PLPP1: variants seen among roughly 807,000 people sequenced by gnomAD.
PLPP1 encodes phospholipid phosphatase 1, also known as lipid phosphate phosphohydrolase 1a.
Under a neutral mutation model 31.2 loss-of-function variants are expected in PLPP1, and 24 were observed. The observed-to-expected ratio is 0.77, with a 90% CI of 0.56 to 1.08. The LOEUF (loss-of-function observed/expected upper bound fraction) is 1.08. Ranked by LOEUF, PLPP1 falls within the 50% of genes least tolerant of loss-of-function variation. The probability of loss-of-function intolerance (pLI) is 0.00; values close to 1 mark genes in which losing one functional copy is unlikely to be tolerated. For missense variants in PLPP1, 319 were observed against 342.7 expected (o/e 0.93, Z 0.55); for synonymous variants, 146 against 126.3 (o/e 1.16, Z -1.05).
intron 1 of PLPP1, among the ~76,000 whole-genome samples, chr5:55,506,959 C>T (rs1753293076): frequency 6.6e-6 from 1 of 152,074 alleles, no homozygotes; most frequent in Non-Finnish European, 1.5e-5. Context: ...GGACAAAATA[C>T]ATTTTGGGGA....
chr5:55,444,970 G>A (rs892602113), intron 3 of PLPP1, among the ~76,000 whole-genome samples: 1 of 152,104 alleles, frequency 6.6e-6, no homozygotes, highest in Admixed American at 6.5e-5. Context: ...GGCTGGTCTT[G>A]AACTCCTGAC....
intron 1 of PLPP1, among the ~76,000 whole-genome samples, chr5:55,487,960 T>G (rs1752809186): frequency 6.6e-6 from 1 of 152,092 alleles, no homozygotes; most frequent in African/African-American, 2.4e-5. Flanking sequence ...AAACCCTGTC[T>G]CTATTAAAAA....
chr5:55,438,417 T>C (rs1399204003), intron 4 of PLPP1, among the ~76,000 whole-genome samples: 1 of 152,152 alleles, frequency 6.6e-6, no homozygotes, highest in African/African-American at 2.4e-5. Flanking sequence ...TAAGAGCCAT[T>C]TTTAACTAGA....
chr5:55,508,465 A>C (rs1413609047), intron 1 of PLPP1, among the ~76,000 whole-genome samples: 1 of 152,232 alleles, frequency 6.6e-6, no homozygotes, highest in Admixed American at 6.5e-5. Context: ...CAAGTACTTA[A>C]GTCATTGCCT....
At chr5:55,532,999 T>A (rs1170730236) in intron 1 of PLPP1, among the ~76,000 whole-genome samples, 3 of 151,304 alleles carry the variant, frequency 2.0e-5, no homozygotes, top group Non-Finnish European at 4.4e-5. Flanking sequence ...GTGTTCCACT[T>A]TCCTAAACTT....
In PLPP1 at chr5:55,475,451, C is replaced by G. The variant is rs147642932; in HGVS notation, c.59-1G>C. On this transcript the variant is annotated splice_acceptor_variant, in intron 1 of 5. Transcript: ENST00000307259. LOFTEE classifies it high-confidence loss of function. ...GTAAGAATTGCAAAAGGCAATCCAG[C>G]TAGCAAAAGGGAATAAATGAAAATA... is the stretch of plus-strand genomic sequence containing the variant. The G allele has an allele frequency of 6.3e-7, 1 of 1,586,660 alleles. No homozygotes were observed. Among genetic ancestry groups the G allele is most frequent in the Non-Finnish European group, 8.5e-7 (1 of 1,170,040 alleles).
chr5:55,455,681 G>A (rs1242375913), intron 3 of PLPP1, among the ~76,000 whole-genome samples: 2 of 152,070 alleles, frequency 1.3e-5, no homozygotes, highest in Non-Finnish European at 2.9e-5. Context: ...TCATCCTAAC[G>A]GTAAATATAA....
chr5:55,526,717 G>C (rs1278631891), intron 1 of PLPP1, among the ~76,000 whole-genome samples: 2 of 152,074 alleles, frequency 1.3e-5, no homozygotes, highest in African/African-American at 4.8e-5. Context: ...CGGATCACGA[G>C]GTCAGGAGAT....
intron 3 of PLPP1, among the ~76,000 whole-genome samples, chr5:55,459,485 T>C (rs1374350944): frequency 3.3e-5 from 5 of 152,194 alleles, no homozygotes; most frequent in African/African-American, 1.2e-4. Context: ...AGAAAACACA[T>C]GCTCTTCAAG....
At chr5:55,460,679 A>G (rs1752134370) in intron 3 of PLPP1, among the ~76,000 whole-genome samples, 1 of 152,204 alleles carries the variant, frequency 6.6e-6, no homozygotes, top group South Asian at 2.1e-4. Flanking sequence ...AATCATATTT[A>G]AAACCTTCCC....
At chr5:55,513,746 T>A (rs541679921) in intron 1 of PLPP1, among the ~76,000 whole-genome samples, 117 of 152,232 alleles carry the variant, frequency 7.7e-4, no homozygotes, top group African/African-American at 2.7e-3. Context: ...GACAACACAG[T>A]GAGACCAGGA....
chr5:55,517,485 C>T (rs577099761), intron 1 of PLPP1, among the ~76,000 whole-genome samples: 1 of 152,176 alleles, frequency 6.6e-6, no homozygotes, highest in Admixed American at 6.5e-5. Flanking sequence ...GTGTGAGCTA[C>T]AACACCAGGC....
In PLPP1 at chr5:55,534,745, C is replaced by T. The variant is rs1740825449; in HGVS notation, c.-116G>A. 8.0e-6 allele frequency: 9 copies of T among 1,130,552 alleles called. No homozygotes were observed. Among genetic ancestry groups the T allele is most frequent in the South Asian group, 1.6e-5 (1 of 62,662 alleles). The allele number at this position is 1,130,552 out of a possible 1,614,324, so 70.0% of individuals were successfully genotyped here. Reference sequence around the variant, plus strand: ...GCGACGGCCCCGAGCTACGGCCCCTCCCAGCCGGAGGAGGAGAGCAGCCGA... The same window carrying T: ...GCGACGGCCCCGAGCTACGGCCCCTTCCAGCCGGAGGAGGAGAGCAGCCGA... On this transcript the variant is annotated 5_prime_UTR_variant, in exon 1 of 6. Transcript: ENST00000307259.
intron 1 of PLPP1, among the ~76,000 whole-genome samples, chr5:55,498,810 A>G (rs1258605633): frequency 5.3e-5 from 8 of 152,220 alleles, no homozygotes; most frequent in Non-Finnish European, 1.2e-4. Context: ...TTGGGAACAC[A>G]AACTGCTAAC....
chr5:55,496,987 A>T (rs1176990859), intron 1 of PLPP1, among the ~76,000 whole-genome samples: 2 of 152,222 alleles, frequency 1.3e-5, no homozygotes, highest in Non-Finnish European at 2.9e-5. Context: ...AAAAAGTACT[A>T]AATTTATTTT....
intron 4 of PLPP1, 142 bp downstream of exon 4, chr5:55,441,709 G>A (rs1751623971): frequency 1.1e-6 from 1 of 912,524 alleles, no homozygotes; most frequent in African/African-American, 1.6e-5. Context: ...CTACTTCTCA[G>A]TATGAAACTT....
intron 1 of PLPP1, among the ~76,000 whole-genome samples, chr5:55,506,410 C>G (rs1273943708): frequency 6.6e-6 from 1 of 152,040 alleles, no homozygotes; most frequent in African/African-American, 2.4e-5. Context: ...GCAGGGAAAC[C>G]AAAACTTTAA....
At chr5:55,427,087 TAA>T (rs3070034) in intron 4 of PLPP1, among the ~76,000 whole-genome samples, 22 of 150,466 alleles carry the variant, frequency 1.5e-4, no homozygotes, top group East Asian at 3.9e-4. Flanking sequence ...CTGCTCTCAT[TAA>T]AAAAAAAAAA....
chr5:55,424,918 AT>A lies in PLPP1; in HGVS notation c.*287del. 1.5e-6 allele frequency: 1 copy of A among 651,850 alleles called. No individual in the cohort carries two copies. Among genetic ancestry groups the A allele is most frequent in the Non-Finnish European group, 2.6e-6 (1 of 380,042 alleles). 40.4% of individuals were successfully genotyped at this position (651,850 alleles called of 1,614,324 possible). On this transcript the variant is annotated 3_prime_UTR_variant, in exon 6 of 6. Transcript: ENST00000307259. ...ATCAAACATCATTCATAGAAAGCAT[AT>A]TACATACATGTTTATACATAAGCAT...
Sources: gnomAD v4.1 joint callset for allele counts (sites outside exome capture counted in the v4.1 genomes callset) on GRCh38, gnomAD v4.1.1 for gene constraint, MANE v1.5 for transcripts, NCBI Gene and HGNC (gene_info 2026-07-23, HGNC 2026-07-21) for gene names.